Variants in ZNF248 observed in about 807,000 individuals in gnomAD.
ZNF248 encodes the protein zinc finger protein 248, also known as KRAB protein domain.
In ZNF248, 20 loss-of-function variants were observed where a neutral mutation model predicts 44.3. That is an observed-to-expected ratio of 0.45 (90% CI 0.32 to 0.66). The LOEUF (loss-of-function observed/expected upper bound fraction) is 0.66, where lower values mean the gene tolerates loss of function less well. Among genes scored for constraint, ZNF248 ranks in the 30% least tolerant of loss-of-function variants. ZNF248 has a pLI of 0.04. For missense variants in ZNF248, 654 were observed against 677.0 expected (o/e 0.97, Z 0.38); for synonymous variants, 224 against 229.0 (o/e 0.98, Z 0.20).
At chr10:37,841,183 T>A (rs2058277895) in intron 3 of ZNF248, among the ~76,000 whole-genome samples, 2 of 152,194 alleles carry the variant, frequency 1.3e-5, no homozygotes, top group South Asian at 2.1e-4. Context: ...ATTTTTAAAA[T>A]TTTTACCTGA....
At chr10:37,839,563 C>G (rs1035099077) in intron 3 of ZNF248, among the ~76,000 whole-genome samples, 3 of 151,504 alleles carry the variant, frequency 2.0e-5, no homozygotes, top group African/African-American at 7.3e-5. Context: ...CATTCTAGAT[C>G]TGAAAAGTAC....
chr10:37,844,094 C>T (rs2058848791), intron 3 of ZNF248, among the ~76,000 whole-genome samples: 1 of 152,064 alleles, frequency 6.6e-6, no homozygotes, highest in African/African-American at 2.4e-5. Context: ...TAAGAAAAAT[C>T]CAAAGAGATC....
chr10:37,794,723 C>T (rs2048934212), intron 6 of ZNF248: 1 of 163,438 alleles, frequency 6.1e-6, no homozygotes, highest in African/African-American at 2.4e-5. Flanking sequence ...TAAAGATTGT[C>T]CCACATTCAG....
chr10:37,810,213 A>C (rs368942479), intron 6 of ZNF248, among the ~76,000 whole-genome samples: 6 of 152,192 alleles, frequency 3.9e-5, no homozygotes, highest in Non-Finnish European at 7.4e-5. Flanking sequence ...TGTGTTTTTA[A>C]GTCCTGTGTT....
the ZNF248 span, among the ~76,000 whole-genome samples, chr10:37,761,005 G>C: frequency 2.6e-5 from 4 of 152,182 alleles, no homozygotes; most frequent in African/African-American, 9.7e-5. Context: ...CAGGCCTTTA[G>C]GGCATCTAGA....
Position 37,831,537 on chromosome 10 carries a change from G to A in ZNF248, c.*78C>T. The A allele has an allele frequency of 1.3e-6, 2 of 1,519,000 alleles. No homozygotes were observed. Among genetic ancestry groups the A allele is most frequent in the Non-Finnish European group, 1.8e-6 (2 of 1,136,672 alleles). 94.1% of individuals were successfully genotyped at this position (1,519,000 alleles called of 1,614,324 possible). ...AAGAAGTCATTTTCTACAAATTTCT[G>A]ACATTCTTTGGCTTTCTCTGATCTC... On this transcript the variant is annotated 3_prime_UTR_variant, in exon 6 of 6. Transcript: ENST00000395867.
At chr10:37,851,233 A>G (rs1371570910) in intron 3 of ZNF248, among the ~76,000 whole-genome samples, 1 of 152,212 alleles carries the variant, frequency 6.6e-6, no homozygotes, top group Non-Finnish European at 1.5e-5. Flanking sequence ...AAAGCAGGAC[A>G]TGGATTTACG....
intron 6 of ZNF248, among the ~76,000 whole-genome samples, chr10:37,807,956 G>A (rs769806828): frequency 1.3e-5 from 2 of 152,066 alleles, no homozygotes; most frequent in African/African-American, 2.4e-5. Flanking sequence ...ACCCGAGTAC[G>A]ACATTAGCTG....
chr10:37,789,958 A>G (rs1178966147), intron 6 of ZNF248, among the ~76,000 whole-genome samples: 3 of 152,140 alleles, frequency 2.0e-5, no homozygotes, highest in Non-Finnish European at 4.4e-5. Context: ...TTTTCTTTCA[A>G]TTGTACTTAA....
At chr10:37,800,707 A>T (rs1295851445) in intron 6 of ZNF248, among the ~76,000 whole-genome samples, 1 of 152,000 alleles carries the variant, frequency 6.6e-6, no homozygotes, top group Non-Finnish European at 1.5e-5. Context: ...TGCTTTCCAC[A>T]GTGGCTGAAC....
rs2055510438 is a variant in ZNF248 at position 37,831,140 on chromosome 10, C to T, written c.*475G>A. On this transcript the variant is annotated 3_prime_UTR_variant, in exon 6 of 6. Coordinates refer to ENST00000395867, the MANE Select transcript of ZNF248 (RefSeq NM_021045.3). The stretch of plus-strand genomic sequence containing the variant: ...ATATTAACAAATACCATAGTAGTTA[C>T]TCAATTAAGGGTACGTATCTTCTCC... 6.8e-7 allele frequency: 1 copy of T among 1,461,220 alleles called. No homozygotes were observed. The highest frequency in any genetic ancestry group is 9.0e-7 in the Non-Finnish European group (1 of 1,105,170). 90.5% of individuals were successfully genotyped at this position (1,461,220 alleles called of 1,614,324 possible). A position where few individuals can be genotyped will look rare whatever the true frequency, so the allele number is the denominator to read the frequency against.
At chr10:37,782,939 G>A (rs2047483886) in intron 6 of ZNF248, among the ~76,000 whole-genome samples, 1 of 152,106 alleles carries the variant, frequency 6.6e-6, no homozygotes, top group African/African-American at 2.4e-5. Flanking sequence ...GGCAGCCCCA[G>A]GAAACTAATA....
At chr10:37,852,701 T>G (rs2060505026) in intron 3 of ZNF248, among the ~76,000 whole-genome samples, 1 of 148,812 alleles carries the variant, frequency 6.7e-6, no homozygotes, top group East Asian at 1.9e-4. Context: ...GTAAAATATG[T>G]ATTTATATAT....
chr10:37,765,894 G>A, the ZNF248 span, among the ~76,000 whole-genome samples: 1 of 152,206 alleles, frequency 6.6e-6, no homozygotes, highest in Non-Finnish European at 1.5e-5. Flanking sequence ...ATGGAAAATT[G>A]GGTCACTCCC....
intron 3 of ZNF248, among the ~76,000 whole-genome samples, chr10:37,854,750 T>C (rs1201068489): frequency 6.6e-6 from 1 of 152,266 alleles, no homozygotes; most frequent in Non-Finnish European, 1.5e-5. Context: ...CATTACCACA[T>C]GGTTTGTCAT....
At position 37,831,795 on chromosome 10, in the gene ZNF248, A is replaced by G; in HGVS notation, c.1560T>C (p.Tyr520=). ...HQRTHTGEKP[Y]KCNECGKTFC... The stretch of plus-strand genomic sequence containing the variant: ...AGGTTTTCCCACATTCATTACACTT[A>G]TATGGTTTCTCCCCAGTGTGAGTTC... The change falls in exon 6 of 6, where the codon TAT becomes TAC. Residue 520 remains tyrosine (Y), a synonymous_variant. Coordinates refer to ENST00000395867, the MANE Select transcript of ZNF248 (RefSeq NM_021045.3). 1.2e-6 allele frequency: 2 copies of G among 1,613,234 alleles called. No individual in the cohort carries two copies. The highest frequency in any genetic ancestry group is 1.7e-6 in the Non-Finnish European group (2 of 1,179,330).
rs1284344889 is a variant in ZNF248, at chr10:37,777,871, T to C, written c.331-1296A>G. ...CCCTACAAAGGACATGAACTCATCC[T>C]TTTTTATGGCTGCATAGTATTCCAC... On this transcript the variant is annotated intron_variant, in intron 6 of 6. Coordinates refer to the ZNF248 transcript ENST00000615949. 2.0e-5 allele frequency among the ~76,000 whole-genome samples: 3 copies of C among 152,124 alleles called. No homozygotes were observed. In the East Asian group the frequency reaches 5.8e-4, roughly 29 times the overall value.
At chr10:37,852,692 T>C (rs1433179569) in intron 3 of ZNF248, among the ~76,000 whole-genome samples, 2 of 148,832 alleles carry the variant, frequency 1.3e-5, no homozygotes, top group Non-Finnish European at 3.0e-5. Flanking sequence ...GTTATATATG[T>C]AAAATATGTA....
intron 6 of ZNF248, chr10:37,794,841 G>A (rs2133123067): frequency 6.4e-6 from 1 of 156,366 alleles, no homozygotes; most frequent in South Asian, 2.0e-4. Flanking sequence ...TCTCCCCTAT[G>A]TGTATTCTCT....
Sources: allele counts gnomAD v4.1 joint callset (sites outside exome capture counted in the v4.1 genomes callset), GRCh38; gene constraint gnomAD v4.1.1; transcripts MANE v1.5; gene names NCBI Gene and HGNC (gene_info 2026-07-23, HGNC 2026-07-21).